The following FGF7 variants were observed in gnomAD, a reference collection of about 807,000 sequenced individuals.
FGF7 encodes FGF-7.
A neutral mutation model predicts 20.5 loss-of-function variants in FGF7; 6 were observed. That is an observed-to-expected ratio of 0.29 (90% CI 0.16 to 0.58). The LOEUF is 0.58. Among genes scored for constraint, FGF7 ranks in the 20% least tolerant of loss-of-function variants. The pLI is 0.90. For synonymous variants in FGF7, 64 were observed against 74.7 expected (o/e 0.86, Z 0.74); for missense variants, 144 against 228.8 (o/e 0.63, Z 2.39).
chr15:49,485,532 ACAAAACT>A lies in FGF7; in HGVS notation c.*1029_*1035del, dbSNP rs1305972223. On this transcript the variant is annotated 3_prime_UTR_variant, in exon 4 of 4. Coordinates refer to ENST00000267843, the MANE Select transcript of FGF7 (RefSeq NM_002009.4). ...ATATGCTTTTAATTTTAAAGGAATA[ACAAAACT>A]GTCTGGCTCAACGGCAAGTTTCCCT... is the stretch of plus-strand genomic sequence containing the variant. 1.3e-5 allele frequency: 2 copies of A among 152,492 alleles called. No individual in the cohort carries two copies. Among genetic ancestry groups the A allele is most frequent in the Admixed American group, 6.6e-5 (1 of 15,228 alleles). 9.4% of individuals were successfully genotyped at this position (152,492 alleles called of 1,614,324 possible). A position where few individuals can be genotyped will look rare whatever the true frequency, so the allele number is the denominator to read the frequency against.
At chr15:49,459,948 G>A (rs2053646021) in intron 2 of FGF7, among the ~76,000 whole-genome samples, 1 of 152,152 alleles carries the variant, frequency 6.6e-6, no homozygotes, top group African/African-American at 2.4e-5. Context: ...CTTCTGGAGA[G>A]TCTGTTCTTA....
At chr15:49,473,695 C>T (rs2054993840) in intron 2 of FGF7, among the ~76,000 whole-genome samples, 1 of 151,810 alleles carries the variant, frequency 6.6e-6, no homozygotes, top group Admixed American at 6.6e-5. Flanking sequence ...CATTTGGAAA[C>T]CAAAGAAATT....
intron 2 of FGF7, among the ~76,000 whole-genome samples, chr15:49,467,219 T>C (rs1045586429): frequency 6.6e-6 from 1 of 152,192 alleles, no homozygotes; most frequent in African/African-American, 2.4e-5. Flanking sequence ...AAGTGTAGCA[T>C]AACATGCTTT....
At chr15:49,478,548 TG>T (rs765940597) in intron 2 of FGF7, among the ~76,000 whole-genome samples, 2 of 152,192 alleles carry the variant, frequency 1.3e-5, no homozygotes, top group African/African-American at 2.4e-5. Context: ...TAAATTTAAA[TG>T]TTTTTTTCTT....
chr15:49,427,911 A>T (rs78421699), intron 2 of FGF7, among the ~76,000 whole-genome samples: 3,709 of 152,106 alleles, frequency 0.024, 123 homozygotes, highest in South Asian at 0.16. Context: ...AGGGAATTTT[A>T]AAAAATTACT....
intron 2 of FGF7, among the ~76,000 whole-genome samples, chr15:49,465,887 C>T (rs1321565232): frequency 1.3e-5 from 2 of 152,102 alleles, no homozygotes; most frequent in Non-Finnish European, 2.9e-5. Flanking sequence ...TGACACACTA[C>T]TTAATATGGT....
chr15:49,484,149 A>G (rs1455490795), intron 3 of FGF7, among the ~76,000 whole-genome samples, 161 bp from the exon 4 acceptor site: 3 of 152,064 alleles, frequency 2.0e-5, no homozygotes, highest in Admixed American at 6.6e-5. Context: ...AATATACTAC[A>G]TAAGTATAGC....
In FGF7 at chr15:49,484,576, A is replaced by T. The variant is rs1057178213; in HGVS notation, c.*72A>T. ...AAGTGGACTGTTTTCTTTCTTCTCA[A>T]AATTTTCTTTCCTTTTATTTTTTAG... On this transcript the variant is annotated 3_prime_UTR_variant, in exon 4 of 4. Transcript: ENST00000267843. 4.9e-5 allele frequency: 36 copies of T among 732,518 alleles called. No homozygotes were observed. Among genetic ancestry groups the T allele is most frequent in the Non-Finnish European group, 7.3e-5 (36 of 493,876 alleles). 45.4% of individuals were successfully genotyped at this position (732,518 alleles called of 1,614,324 possible).
rs1345508054 is a variant in FGF7 at position 49,488,176 on chromosome 15, A to G, written c.*3672A>G. ...CTAAAACAGAGTTGGGAAAATATCT[A>G]TTAACTGGTCTCTCTGGTTTGAATT... On this transcript the variant is annotated 3_prime_UTR_variant, in exon 4 of 4. Transcript: ENST00000267843. The G allele has an allele frequency of 2.0e-5, 3 of 151,966 alleles. No homozygotes were observed. Among genetic ancestry groups the G allele is most frequent in the Admixed American group, 6.6e-5 (1 of 15,224 alleles). The allele number at this position is 151,966 out of a possible 1,614,324, so 9.4% of individuals were successfully genotyped here. A position where few individuals can be genotyped will look rare whatever the true frequency, so the allele number is the denominator to read the frequency against.
At chr15:49,431,297 T>C (rs1269270297) in intron 2 of FGF7, among the ~76,000 whole-genome samples, 1 of 151,842 alleles carries the variant, frequency 6.6e-6, no homozygotes, top group Non-Finnish European at 1.5e-5. Context: ...TTAACCGCTT[T>C]TGGACCAAGT....
At chr15:49,484,052 T>C (rs1327924342) in intron 3 of FGF7, among the ~76,000 whole-genome samples, 1 of 152,030 alleles carries the variant, frequency 6.6e-6, no homozygotes, top group Non-Finnish European at 1.5e-5. Context: ...ATAGTTGACA[T>C]GAACTTCCAA....
chr15:49,430,767 A>T lies in FGF7; in HGVS notation c.286+6184A>T, dbSNP rs191721131. Among the ~76,000 whole-genome samples the T allele has an allele frequency of 2.6e-5, 4 of 151,940 alleles. No individual in the cohort carries two copies. In the East Asian group the frequency reaches 7.8e-4, roughly 30 times the overall value. On this transcript the variant is annotated intron_variant, in intron 2 of 3. Coordinates refer to ENST00000267843, the MANE Select transcript of FGF7 (RefSeq NM_002009.4). ...AACTCACTTCTGAGAAAATGACATT[A>T]ATCTATTCAGGAGGTTGAAGCCTTC...
intron 2 of FGF7, among the ~76,000 whole-genome samples, chr15:49,479,597 C>CTTTTTTTTT (rs1567359064): frequency 2.0e-5 from 2 of 102,078 alleles, no homozygotes; most frequent in African/African-American, 8.3e-5. Context: ...GTTAATACCT[C>CTTTTTTTTT]TGTTTTTTTT....
At chr15:49,429,789 A>C (rs755996258) in intron 2 of FGF7, among the ~76,000 whole-genome samples, 17 of 152,078 alleles carry the variant, frequency 1.1e-4, no homozygotes, top group Non-Finnish European at 2.4e-4. Flanking sequence ...GCCAGGGATG[A>C]GAACCACTGG....
At chr15:49,473,599 G>T (rs1349268562) in intron 2 of FGF7, among the ~76,000 whole-genome samples, 2 of 151,806 alleles carry the variant, frequency 1.3e-5, no homozygotes, top group African/African-American at 4.8e-5. Context: ...GTTTTGGAGG[G>T]GTATAATGAC....
At chr15:49,427,029 T>G (rs2151762203) in intron 2 of FGF7, among the ~76,000 whole-genome samples, 1 of 152,056 alleles carries the variant, frequency 6.6e-6, no homozygotes, top group South Asian at 2.1e-4. Context: ...TAGGAAGTCC[T>G]TAGGTACAGA....
chr15:49,435,859 T>C (rs1165503111), intron 2 of FGF7, among the ~76,000 whole-genome samples: 2 of 151,628 alleles, frequency 1.3e-5, no homozygotes, highest in Non-Finnish European at 3.0e-5. Flanking sequence ...AATCTTTTAA[T>C]TTAGTCTGCA....
intron 2 of FGF7, among the ~76,000 whole-genome samples, chr15:49,440,329 CT>C (rs2051519579): frequency 6.6e-6 from 1 of 151,596 alleles, no homozygotes; most frequent in Non-Finnish European, 1.5e-5. Flanking sequence ...TGATATATTT[CT>C]TATAAGTAAA....
intron 2 of FGF7, among the ~76,000 whole-genome samples, chr15:49,456,783 TG>T (rs1305654334): frequency 2.0e-5 from 3 of 152,050 alleles, no homozygotes; most frequent in Non-Finnish European, 4.4e-5. Flanking sequence ...TGACAGGTGA[TG>T]GGAAGTCACA....
Sources: gnomAD v4.1 joint callset for allele counts (sites outside exome capture counted in the v4.1 genomes callset) on GRCh38, gnomAD v4.1.1 for gene constraint, MANE v1.5 for transcripts, NCBI Gene and HGNC (gene_info 2026-07-23, HGNC 2026-07-21) for gene names.